Variants in DGKB observed in about 807,000 individuals in gnomAD.
DGKB encodes diacylglycerol kinase beta.
A neutral mutation model predicts 114.3 loss-of-function variants in DGKB; 67 were observed. The observed-to-expected ratio is 0.59, with a 90% CI of 0.48 to 0.72. The LOEUF is 0.72. DGKB is among the 30% of genes least tolerant of loss of function. DGKB has a pLI of 0.00. For synonymous variants in DGKB, 398 were observed against 323.1 expected, an observed-to-expected ratio of 1.23 and a Z score of -2.49; for missense variants, 907 against 975.2, an observed-to-expected ratio of 0.93 and a Z score of 0.93.
chr7:14,275,330 G>T (rs1798842897), intron 23 of DGKB, among the ~76,000 whole-genome samples: 1 of 152,038 alleles, frequency 6.6e-6, no homozygotes, highest in South Asian at 2.1e-4. Context: ...AAAAGTTTTT[G>T]TATGAATATT....
chr7:14,343,103 T>C (rs1811878537), intron 22 of DGKB, among the ~76,000 whole-genome samples: 1 of 149,550 alleles, frequency 6.7e-6, no homozygotes, highest in Non-Finnish European at 1.5e-5. Context: ...TCTGCTAATA[T>C]GATAGACAGG....
At chr7:14,580,831 G>C (rs1307061670) in intron 19 of DGKB, 31 bp downstream of exon 19, 8 of 1,519,308 alleles carry the variant, frequency 5.3e-6, no homozygotes, top group East Asian at 2.3e-5. Context: ...GTTGTGTACT[G>C]TTTCTGCTTT....
intron 20 of DGKB, among the ~76,000 whole-genome samples, chr7:14,489,471 A>G (rs572502056): frequency 1.3e-5 from 2 of 152,298 alleles, no homozygotes; most frequent in South Asian, 2.1e-4. Flanking sequence ...AATTACATTT[A>G]TATGTCTCAG....
At chr7:14,253,149 C>T (rs1173776395) in intron 23 of DGKB, among the ~76,000 whole-genome samples, 1 of 151,972 alleles carries the variant, frequency 6.6e-6, no homozygotes, top group Admixed American at 6.6e-5. Context: ...ATTCTCCTGT[C>T]TCAGCCTCCC....
At position 14,959,584 on chromosome 7, in the gene DGKB, T is replaced by C. The variant is rs17168547; in HGVS notation, c.-188+15112A>G. Among the ~76,000 whole-genome samples, 580 of 152,146 alleles carry C rather than the reference T, an allele frequency of 3.8e-3. 3 individuals carry two copies. Among genetic ancestry groups the C allele is most frequent in the African/African-American group, 0.013 (541 of 41,530 alleles). ...CCATGTTTGTCACCAAATTACATAT[T>C]GCCATGCTTACTAAGTAACTGCTCC... On this transcript the variant is annotated intron_variant, in intron 1 of 4. Transcript: ENST00000437998.
intron 23 of DGKB, among the ~76,000 whole-genome samples, chr7:14,206,270 A>G (rs1361488697): frequency 6.6e-6 from 1 of 152,040 alleles, no homozygotes; most frequent in Non-Finnish European, 1.5e-5. Context: ...GATAGTTTGT[A>G]GGAAGAAAAA....
intron 20 of DGKB, among the ~76,000 whole-genome samples, chr7:14,486,698 G>C (rs1273030126): frequency 6.6e-6 from 1 of 152,090 alleles, no homozygotes; most frequent in African/African-American, 2.4e-5. Flanking sequence ...TATCTAGAGA[G>C]GCAAACAGAA....
intron 17 of DGKB, among the ~76,000 whole-genome samples, chr7:14,595,608 G>C (rs4537213): frequency 6.7e-6 from 1 of 149,492 alleles, no homozygotes; most frequent in African/African-American, 2.5e-5. Context: ...ATATAAATAT[G>C]TATAAATAAA....
intron 20 of DGKB, among the ~76,000 whole-genome samples, chr7:14,520,649 G>C (rs1026374639): frequency 6.6e-6 from 1 of 151,576 alleles, no homozygotes. Flanking sequence ...TTTCTGTTGT[G>C]AATTTTTAAT....
chr7:14,413,423 A>G (rs1825214700), intron 21 of DGKB, among the ~76,000 whole-genome samples: 1 of 152,154 alleles, frequency 6.6e-6, no homozygotes. Context: ...AATTATTTTC[A>G]AAATATTCAA....
At chr7:14,469,344 G>T (rs1263698427) in intron 21 of DGKB, among the ~76,000 whole-genome samples, 1 of 152,098 alleles carries the variant, frequency 6.6e-6, no homozygotes, top group Non-Finnish European at 1.5e-5. Context: ...CAGATAAGCA[G>T]TATTTTATCC....
intron 21 of DGKB, among the ~76,000 whole-genome samples, chr7:14,382,176 A>G (rs548941583): frequency 6.6e-6 from 1 of 152,316 alleles, no homozygotes; most frequent in South Asian, 2.1e-4. Context: ...CTGCATGTAG[A>G]TGCAGTAAGA....
chr7:14,917,502 T>A (rs1009138119), intron 1 of DGKB, among the ~76,000 whole-genome samples: 2 of 151,968 alleles, frequency 1.3e-5, no homozygotes, highest in African/African-American at 4.8e-5. Context: ...ACAACTCTAT[T>A]CTCACAAATT....
At chr7:14,602,878 T>G (rs1035462123) in intron 17 of DGKB, among the ~76,000 whole-genome samples, 1 of 152,226 alleles carries the variant, frequency 6.6e-6, no homozygotes, top group Non-Finnish European at 1.5e-5. Context: ...TTAGAGTGTT[T>G]CAGCAATTTT....
rs898407962 is a variant in DGKB, at chr7:14,168,685, T to A, written c.2304+8154A>T. ...ATGAAGGGGAATTAAAGATGAAATT[T>A]AAAAATGCTTACAATTAAGTCAGAA... On this transcript the variant is annotated intron_variant, in intron 25 of 25. Coordinates refer to ENST00000402815, the MANE Select transcript of DGKB (RefSeq NM_001350709.2). Among the ~76,000 whole-genome samples the A allele has an allele frequency of 5.9e-5, 9 of 152,356 alleles. No homozygotes were observed. The South Asian group carries it at 8.3e-4, about 14-fold the overall frequency.
upstream of DGKB, among the ~76,000 whole-genome samples, chr7:14,903,793 T>G (rs1783485179): frequency 6.6e-6 from 1 of 152,172 alleles, no homozygotes. Context: ...AAAATGTAAG[T>G]AAGTCAATAA....
At chr7:14,925,060 A>C (rs1784683335) in intron 1 of DGKB, among the ~76,000 whole-genome samples, 1 of 152,182 alleles carries the variant, frequency 6.6e-6, no homozygotes, top group Admixed American at 6.5e-5. Flanking sequence ...TTCACTCACT[A>C]CAATTCTCTA....
At chr7:14,672,853 GA>G (rs1337129247) in intron 13 of DGKB, 75 bp downstream of exon 13, 3 of 801,152 alleles carry the variant, frequency 3.7e-6, no homozygotes, top group Non-Finnish European at 5.9e-6. Flanking sequence ...ATTATCTCTA[GA>G]AGCTTTTAAT....
At chr7:14,357,224 G>T in intron 21 of DGKB, among the ~76,000 whole-genome samples, 1 of 152,066 alleles carries the variant, frequency 6.6e-6, no homozygotes, top group East Asian at 1.9e-4. Context: ...TTATTGTGTG[G>T]GAGTCTAAGT....
Sources: gnomAD v4.1 joint callset for allele counts (sites outside exome capture counted in the v4.1 genomes callset) on GRCh38, gnomAD v4.1.1 for gene constraint, MANE v1.5 for transcripts, NCBI Gene and HGNC (gene_info 2026-07-23, HGNC 2026-07-21) for gene names.